ADIPOR2: variants seen among roughly 807,000 people sequenced by gnomAD.
ADIPOR2 encodes adiponectin receptor 2.
A neutral mutation model predicts 40.9 loss-of-function variants in ADIPOR2; 18 were observed. That is an observed-to-expected ratio of 0.44 (90% CI 0.30 to 0.65). The LOEUF is 0.65. Among genes scored for constraint, ADIPOR2 ranks in the 30% least tolerant of loss-of-function variants. The pLI is 0.09. For synonymous variants in ADIPOR2, 165 were observed against 166.4 expected, an observed-to-expected ratio of 0.99 and a Z score of 0.06; for missense variants, 283 against 479.2, an observed-to-expected ratio of 0.59 and a Z score of 3.82.
At chr12:1,743,966 C>T (rs370246970) in intron 1 of ADIPOR2, among the ~76,000 whole-genome samples, 4 of 152,120 alleles carry the variant, frequency 2.6e-5, no homozygotes, top group East Asian at 1.9e-4. Context: ...TGCCACCCAA[C>T]GGATGAGACC....
chr12:1,720,805 T>C (rs1402529857), intron 1 of ADIPOR2, among the ~76,000 whole-genome samples: 2 of 152,162 alleles, frequency 1.3e-5, no homozygotes, highest in African/African-American at 4.8e-5. Flanking sequence ...AAATTAAATC[T>C]TGGGGCCCTC....
At chr12:1,732,083 A>G (rs931121254) in intron 1 of ADIPOR2, among the ~76,000 whole-genome samples, 2 of 151,952 alleles carry the variant, frequency 1.3e-5, no homozygotes, top group African/African-American at 2.4e-5. Context: ...CCATATATCT[A>G]CCCGCTGCTT....
In ADIPOR2 at chr12:1,752,230, C is replaced by CTTTTTTTTTT. The variant is rs67598229; in HGVS notation, c.-86-2016_-86-2007dup. Among the ~76,000 whole-genome samples, 93 of 74,864 alleles carry CTTTTTTTTTT rather than the reference C, an allele frequency of 1.2e-3. 20 individuals are homozygous for CTTTTTTTTTT. Among genetic ancestry groups the CTTTTTTTTTT allele is most frequent in the East Asian group, 2.0e-3 (4 of 2,016 alleles). 49.1% of individuals were successfully genotyped at this position (74,864 alleles called of 152,430 possible). ...AGGCGTGAGCCACTGCTCCTGGCCT[C>CTTTTTTTTTT]TTTTTTTTTTTTTTTTTTTTTAAGA... On this transcript the variant is annotated intron_variant, in intron 1 of 7. Transcript: ENST00000357103.
chr12:1,768,455 A>G (rs990694795), intron 2 of ADIPOR2, among the ~76,000 whole-genome samples: 8 of 151,836 alleles, frequency 5.3e-5, no homozygotes, highest in African/African-American at 1.9e-4. Flanking sequence ...CTTTTTTTCT[A>G]TGAAGTCATT....
At chr12:1,783,281 A>C (rs1386433123) in intron 6 of ADIPOR2, among the ~76,000 whole-genome samples, 2 of 152,288 alleles carry the variant, frequency 1.3e-5, no homozygotes, top group East Asian at 3.9e-4. Flanking sequence ...AGGACAGGCT[A>C]GGACAGTTTA....
At chr12:1,715,326 A>G (rs948285270) in intron 1 of ADIPOR2, among the ~76,000 whole-genome samples, 1 of 152,058 alleles carries the variant, frequency 6.6e-6, no homozygotes, top group African/African-American at 2.4e-5. Flanking sequence ...TTTGACCATC[A>G]GAGAGAGAAT....
chr12:1,725,006 C>G (rs551631570), intron 1 of ADIPOR2, among the ~76,000 whole-genome samples: 4 of 152,298 alleles, frequency 2.6e-5, no homozygotes, highest in African/African-American at 9.6e-5. Flanking sequence ...CCATCACAGT[C>G]CCAAGTGTCA....
chr12:1,738,046 G>T (rs896607402), intron 1 of ADIPOR2, among the ~76,000 whole-genome samples: 1 of 151,966 alleles, frequency 6.6e-6, no homozygotes, highest in Non-Finnish European at 1.5e-5. Flanking sequence ...TGATTTTAAT[G>T]TGTTACTCTC....
Position 1,729,562 on chromosome 12 carries a change from A to G in ADIPOR2, c.-86-24696A>G, listed in dbSNP as rs1218829820. On this transcript the variant is annotated intron_variant, in intron 1 of 7. Transcript: ENST00000357103. ...TTCTGGGCTCAAGTGATTCTCCTGC[A>G]TTGACCTCCCAAAGTGTTGGGATTA... is the stretch of plus-strand genomic sequence containing the variant. 2.8e-5 allele frequency among the ~76,000 whole-genome samples: 4 copies of G among 143,222 alleles called. No individual in the cohort carries two copies. In the East Asian group the frequency reaches 8.1e-4, roughly 29 times the overall value. The allele number at this position is 143,222 out of a possible 152,430, so 94.0% of individuals were successfully genotyped here.
intron 2 of ADIPOR2, chr12:1,757,344 A>ACAAAAATGTTGGAAAGTTGAGT (rs1292961995): frequency 2.9e-6 from 2 of 696,910 alleles, no homozygotes; most frequent in Non-Finnish European, 5.3e-6. Context: ...CTTGCCAATA[A>ACAAAAATGTTGGAAAGTTGAGT]CAAAAATGTT....
At chr12:1,779,368 C>T (rs917950777) in intron 4 of ADIPOR2, among the ~76,000 whole-genome samples, 2 of 152,224 alleles carry the variant, frequency 1.3e-5, no homozygotes, top group Admixed American at 1.3e-4. Context: ...ATACATGCCA[C>T]AGCATGGGTG....
intron 2 of ADIPOR2, among the ~76,000 whole-genome samples, chr12:1,756,742 G>T (rs569489691): frequency 6.6e-6 from 1 of 152,230 alleles, no homozygotes; most frequent in East Asian, 1.9e-4. Context: ...GAATATAGAT[G>T]AGAGATGATG....
intron 1 of ADIPOR2, among the ~76,000 whole-genome samples, chr12:1,746,132 C>T (rs2094754494): frequency 6.6e-6 from 1 of 151,988 alleles, no homozygotes; most frequent in South Asian, 2.1e-4. Flanking sequence ...AGTGAAAGGA[C>T]TGAAAGAGTT....
intron 1 of ADIPOR2, among the ~76,000 whole-genome samples, chr12:1,726,728 T>C (rs74058881): frequency 1.1e-4 from 16 of 152,338 alleles, no homozygotes; most frequent in African/African-American, 3.6e-4. Context: ...TGTCACTTTT[T>C]ATGCTAGTAA....
At chr12:1,705,999 A>G (rs1374876332) in intron 1 of ADIPOR2, among the ~76,000 whole-genome samples, 2 of 152,356 alleles carry the variant, frequency 1.3e-5, no homozygotes, top group East Asian at 1.9e-4. Context: ...TGGAGATGAT[A>G]GGTGAAGGGT....
At position 1,783,884 on chromosome 12, in the gene ADIPOR2, GT is replaced by G; in HGVS notation, c.848del (p.Leu283TrpfsTer3). 3 of 1,599,032 alleles carry G rather than the reference GT, an allele frequency of 1.9e-6. No individual in the cohort carries two copies. The highest frequency in any genetic ancestry group is 2.6e-6 in the Non-Finnish European group (3 of 1,172,230). ...CTCTCTTCTTGTGACTCCTAGGAGT[GT>G]TTTTGGGCCTAGGCCTGAGTGGAAT... Reference protein sequence around the residue: ...PQYRGVRAGVFLGLGLSGIIP... With the variant: ...PQYRGVRAGVXLGLGLSGIIP... On this transcript the variant is annotated frameshift_variant, in exon 7 of 8. Transcript: ENST00000357103. LOFTEE classifies it high-confidence loss of function.
intron 1 of ADIPOR2, among the ~76,000 whole-genome samples, chr12:1,720,857 A>G (rs1195212596): frequency 6.6e-6 from 1 of 152,196 alleles, no homozygotes; most frequent in Non-Finnish European, 1.5e-5. Context: ...GGAACTGCTT[A>G]GGGCTAACCT....
rs561798230 is a variant in ADIPOR2 at position 1,698,498 on chromosome 12, T to A, written c.-87+7307T>A. Among the ~76,000 whole-genome samples, 3 of 152,272 alleles carry A rather than the reference T, an allele frequency of 2.0e-5. No homozygotes were observed. The East Asian group carries it at 5.8e-4, about 29-fold the overall frequency. ...TTAGCTTCTCAAAGTGCTGGGATTA[T>A]AGGCTTGAGCCACCATGACAGGCCC... On this transcript the variant is annotated intron_variant, in intron 1 of 7. Coordinates refer to ENST00000357103, the MANE Select transcript of ADIPOR2 (RefSeq NM_024551.3).
At chr12:1,761,965 G>A (rs7316374) in intron 2 of ADIPOR2, among the ~76,000 whole-genome samples, 20,642 of 152,100 alleles carry the variant, frequency 0.14, 1,575 homozygotes, top group African/African-American at 0.2. Flanking sequence ...ATAACCTTCG[G>A]GATCCTGCGT....
Sources: allele counts gnomAD v4.1 joint callset (sites outside exome capture counted in the v4.1 genomes callset), GRCh38; gene constraint gnomAD v4.1.1; transcripts MANE v1.5; gene names NCBI Gene and HGNC (gene_info 2026-07-23, HGNC 2026-07-21).